VPS13A: variants seen among roughly 807,000 people sequenced by gnomAD.
VPS13A encodes the protein intermembrane lipid transfer protein VPS13A.
A neutral mutation model predicts 390.9 loss-of-function variants in VPS13A; 264 were observed. The observed-to-expected ratio is 0.68, with a 90% CI of 0.61 to 0.75. VPS13A has a LOEUF of 0.75. VPS13A is among the 30% of genes least tolerant of loss of function. The pLI, the probability that VPS13A is intolerant of heterozygous loss-of-function variation, is 0.00. For synonymous variants in VPS13A, 1,231 were observed against 1,227.1 expected, an observed-to-expected ratio of 1.00 and a Z score of -0.07; for missense variants, 3,409 against 3,733.9, an observed-to-expected ratio of 0.91 and a Z score of 2.27.
chr9:77,199,558 G>C (rs1267561890), intron 1 of VPS13A, among the ~76,000 whole-genome samples: 2 of 151,956 alleles, frequency 1.3e-5, no homozygotes, highest in Non-Finnish European at 2.9e-5. Flanking sequence ...GTATCTTGGG[G>C]CTTACTGATT....
intron 10 of VPS13A, among the ~76,000 whole-genome samples, chr9:77,217,129 T>C (rs1052023530): frequency 1.3e-5 from 2 of 152,110 alleles, no homozygotes; most frequent in African/African-American, 4.8e-5. Context: ...TTGGAGGTTT[T>C]TGGAGGGAAA....
At chr9:77,287,250 G>C (rs1292118133) in intron 31 of VPS13A, among the ~76,000 whole-genome samples, 6 of 138,840 alleles carry the variant, frequency 4.3e-5, no homozygotes, top group South Asian at 2.4e-4. Flanking sequence ...CTCTCTCTCT[G>C]TCTCCAATCA....
At chr9:77,295,991 T>G (rs1827974734) in intron 33 of VPS13A, 145 bp downstream of exon 33, 1 of 918,998 alleles carries the variant, frequency 1.1e-6, no homozygotes, top group Non-Finnish European at 1.6e-6. Context: ...CTTAAGTATA[T>G]TTTGGCAAAA....
At chr9:77,414,694 C>G (rs1835093470) in intron 71 of VPS13A, among the ~76,000 whole-genome samples, 1 of 151,386 alleles carries the variant, frequency 6.6e-6, no homozygotes, top group South Asian at 2.1e-4. Context: ...ACATATGTAA[C>G]TAACCTGCAC....
chr9:77,297,238 G>C (rs920174867), intron 33 of VPS13A, among the ~76,000 whole-genome samples: 1 of 151,688 alleles, frequency 6.6e-6, no homozygotes, highest in African/African-American at 2.4e-5. Flanking sequence ...AATATATGAC[G>C]TGCTATAAAT....
chr9:77,205,820 G>C (rs760356089), intron 4 of VPS13A, among the ~76,000 whole-genome samples, 158 bp from the exon 5 acceptor site: 1 of 152,108 alleles, frequency 6.6e-6, no homozygotes, highest in Non-Finnish European at 1.5e-5. Context: ...TCGAACTCCT[G>C]ACCTCATGAT....
At chr9:77,322,720 C>T (rs1314904524) in intron 44 of VPS13A, among the ~76,000 whole-genome samples, 2 of 151,930 alleles carry the variant, frequency 1.3e-5, no homozygotes, top group African/African-American at 4.8e-5. Flanking sequence ...ATTGTAGTCA[C>T]CTTGATATTT....
chr9:77,341,145 T>C (rs557366831), intron 50 of VPS13A, among the ~76,000 whole-genome samples: 3 of 152,290 alleles, frequency 2.0e-5, no homozygotes, highest in African/African-American at 7.2e-5. Context: ...TCTTGAAGTA[T>C]ATTCTTTAGA....
At chr9:77,351,892 G>A (rs1029929277) in intron 53 of VPS13A, among the ~76,000 whole-genome samples, 1 of 151,870 alleles carries the variant, frequency 6.6e-6, no homozygotes, top group African/African-American at 2.4e-5. Context: ...AAAAACAACA[G>A]TATTTGATTT....
intron 23 of VPS13A, among the ~76,000 whole-genome samples, chr9:77,270,266 G>A (rs1471553042): frequency 6.6e-6 from 1 of 152,134 alleles, no homozygotes; most frequent in East Asian, 1.9e-4. Flanking sequence ...TATAAAATAT[G>A]GACGTTCAAG....
At chr9:77,404,314 T>G (rs534281468) in intron 69 of VPS13A, among the ~76,000 whole-genome samples, 5 of 152,316 alleles carry the variant, frequency 3.3e-5, no homozygotes, top group African/African-American at 1.2e-4. Context: ...TATACCATTA[T>G]GTACTTAGTT....
rs760875004 is a variant in VPS13A at position 77,345,084 on chromosome 9, G to T, written c.7231G>T (p.Ala2411Ser). 30 of 1,613,044 alleles carry T rather than the reference G, an allele frequency of 1.9e-5. No individual in the cohort carries two copies. In the South Asian group the frequency reaches 3.2e-4, roughly 17 times the overall value. The change falls in exon 52 of 72, where the codon GCA (alanine) becomes TCA (serine). Residue 2411 changes from alanine to serine, a missense_variant. By Grantham distance (99) the Ala-to-Ser change is moderately conservative. Around this residue, in one of 5 missense-constraint regions of VPS13A, gnomAD observed 2,717 missense variants for 2,917.4 expected, o/e 0.93. Transcript: ENST00000360280. ...TACATTTTTAGATTATCATGATGGA[G>T]CAGCTACATTCCTCTTAATAAATCA... ...VITFLDYHDGAATFLLINHTK... is the reference protein window; with the variant it reads ...VITFLDYHDGSATFLLINHTK...
chr9:77,177,847 C>A (rs902184436), intron 1 of VPS13A, 43 bp downstream of exon 1: 3 of 1,561,834 alleles, frequency 1.9e-6, no homozygotes, highest in African/African-American at 1.4e-5. Context: ...CTCGTGCTTC[C>A]CGGCCGTCTC....
intron 1 of VPS13A, among the ~76,000 whole-genome samples, chr9:77,179,330 G>C (rs1823859045): frequency 1.3e-5 from 2 of 152,174 alleles, no homozygotes; most frequent in Admixed American, 1.3e-4. Context: ...GCACATAAAA[G>C]GTTCATCAAG....
At chr9:77,308,237 T>C in intron 35 of VPS13A, 139 bp downstream of exon 35, 1 of 988,334 alleles carries the variant, frequency 1.0e-6, no homozygotes, top group Middle Eastern at 2.4e-4. Flanking sequence ...TTCCTTCTTT[T>C]TGTTTAGTTT....
chr9:77,376,262 G>A lies in VPS13A; in HGVS notation c.9077+5113G>A, dbSNP rs140521044. On this transcript the variant is annotated intron_variant, in intron 67 of 71. Transcript: ENST00000360280. ...AAGAAGATGTTACCAGGGAACATGC[G>A]GGGAATCACATCTCGTAGAACTCGG... Among the ~76,000 whole-genome samples, 1,288 of 152,204 alleles carry A rather than the reference G, an allele frequency of 8.5e-3. 10 individuals are homozygous for A. The highest frequency in any genetic ancestry group is 0.014 in the South Asian group (66 of 4,812).
chr9:77,199,098 A>G (rs949935485), intron 1 of VPS13A, among the ~76,000 whole-genome samples: 2 of 152,192 alleles, frequency 1.3e-5, no homozygotes, highest in Non-Finnish European at 2.9e-5. Context: ...TGTGTCTTAC[A>G]GCATTTCTTC....
chr9:77,370,186 T>C (rs890365198), intron 63 of VPS13A, 71 bp from the exon 64 acceptor site: 2 of 1,546,850 alleles, frequency 1.3e-6, no homozygotes, highest in Admixed American at 1.7e-5. Context: ...TTTCGTCGTA[T>C]ATATCCGTAA....
At position 77,314,485 on chromosome 9, in the gene VPS13A, C is replaced by A; in HGVS notation, c.4243-10C>A. On this transcript the variant is annotated splice_polypyrimidine_tract_variant and intron_variant, in intron 36 of 71. Transcript: ENST00000360280. ...TCTTTGTAATTTTGTGTTGGTTTCT[C>A]CTTTCATAGGCTTCCTTTACAGATG... 6.2e-7 allele frequency: 1 copy of A among 1,610,654 alleles called. No homozygotes were observed. Among genetic ancestry groups the A allele is most frequent in the Non-Finnish European group, 8.5e-7 (1 of 1,178,742 alleles).
Sources: allele counts gnomAD v4.1 joint callset (sites outside exome capture counted in the v4.1 genomes callset), GRCh38; gene constraint gnomAD v4.1.1; regional missense constraint gnomAD v4.1.1; transcripts MANE v1.5; gene names NCBI Gene and HGNC (gene_info 2026-07-23, HGNC 2026-07-21).